Variants in SLC16A9 observed in about 807,000 individuals in gnomAD.
The protein encoded by SLC16A9 is solute carrier family 16 member 9.
In SLC16A9, 26 loss-of-function variants were observed where a neutral mutation model predicts 44.3. The ratio of observed to expected loss-of-function variants is 0.59; its 90% CI spans 0.43 to 0.81. SLC16A9 has a LOEUF of 0.81. Among genes scored for constraint, SLC16A9 ranks in the 40% least tolerant of loss-of-function variants. The pLI, the probability that SLC16A9 is intolerant of heterozygous loss-of-function variation, is 0.00. For missense variants in SLC16A9, 559 were observed against 595.8 expected (o/e 0.94, Z 0.64); for synonymous variants, 230 against 225.1 (o/e 1.02, Z -0.19).
chr10:59,668,161 A>G (rs1205958114), intron 3 of SLC16A9, among the ~76,000 whole-genome samples: 1 of 152,078 alleles, frequency 6.6e-6, no homozygotes, highest in Non-Finnish European at 1.5e-5. Context: ...AACTGTTGTC[A>G]TATAGTTCTC....
intron 2 of SLC16A9, among the ~76,000 whole-genome samples, chr10:59,680,969 C>G (rs1174101789): frequency 7.2e-6 from 1 of 139,696 alleles, no homozygotes; most frequent in Non-Finnish European, 1.6e-5. Flanking sequence ...GGTGACAGAG[C>G]AAGACCCAAT....
At chr10:59,655,198 A>G (rs1437649834) in intron 4 of SLC16A9, among the ~76,000 whole-genome samples, 3 of 152,064 alleles carry the variant, frequency 2.0e-5, no homozygotes, top group African/African-American at 7.2e-5. Context: ...GCTGAGGCAG[A>G]AGAGTCGCTT....
intron 1 of SLC16A9, among the ~76,000 whole-genome samples, chr10:59,689,218 A>T (rs566097986): frequency 1.3e-5 from 2 of 152,294 alleles, no homozygotes; most frequent in African/African-American, 4.8e-5. Context: ...GATTTCCTGT[A>T]TTCTGTCACT....
intron 1 of SLC16A9, among the ~76,000 whole-genome samples, chr10:59,704,632 G>A (rs1410252470): frequency 6.6e-6 from 1 of 152,066 alleles, no homozygotes; most frequent in Non-Finnish European, 1.5e-5. Context: ...GCAGAGTGAG[G>A]GCCAGACACT....
At chr10:59,662,167 G>C (rs965813523) in intron 4 of SLC16A9, among the ~76,000 whole-genome samples, 1 of 151,786 alleles carries the variant, frequency 6.6e-6, no homozygotes, top group Non-Finnish European at 1.5e-5. Flanking sequence ...CTTCTGCAAA[G>C]CAAAAGAAAC....
chr10:59,683,982 A>G, intron 2 of SLC16A9, 114 bp downstream of exon 2: 1 of 794,506 alleles, frequency 1.3e-6, no homozygotes, highest in Non-Finnish European at 1.9e-6. Context: ...AAGGCAGGAA[A>G]AGATATGTTA....
Position 59,654,040 on chromosome 10 carries a change from T to G in SLC16A9, c.986A>C (p.Asp329Ala). The change falls in exon 5 of 6, where the codon GAT (aspartate) becomes GCT (alanine). Residue 329 changes from aspartate (D) to alanine (A), a missense_variant. By Grantham distance (126) the Asp-to-Ala change is moderately radical. Coordinates refer to ENST00000395348, the MANE Select transcript of SLC16A9 (RefSeq NM_194298.3). ...GGFPPSLLMEDVARSSNVKEE... is the reference protein window; with the variant it reads ...GGFPPSLLMEAVARSSNVKEE... Reference sequence around the variant, plus strand: ...TTTCACGTTTGAACTTCTTGCTACATCTTCCATAAGTAATGAAGGTGGAAA... The same window carrying G: ...TTTCACGTTTGAACTTCTTGCTACAGCTTCCATAAGTAATGAAGGTGGAAA... The G allele has an allele frequency of 6.2e-7, 1 of 1,614,084 alleles. No homozygotes were observed. Among genetic ancestry groups the G allele is most frequent in the Non-Finnish European group, 8.5e-7 (1 of 1,180,042 alleles).
chr10:59,707,458 T>C (rs1840670117), intron 1 of SLC16A9, among the ~76,000 whole-genome samples: 1 of 151,656 alleles, frequency 6.6e-6, no homozygotes, highest in Non-Finnish European at 1.5e-5. Context: ...TGTCAAAGGA[T>C]ACAAAATTTC....
chr10:59,698,496 A>T (rs1344534778), intron 1 of SLC16A9, among the ~76,000 whole-genome samples: 1 of 152,198 alleles, frequency 6.6e-6, no homozygotes, highest in East Asian at 1.9e-4. Context: ...AAGAGCAAGA[A>T]CACACCACTG....
chr10:59,673,777 A>G (rs913418948), intron 2 of SLC16A9, among the ~76,000 whole-genome samples: 4 of 152,258 alleles, frequency 2.6e-5, no homozygotes, highest in Admixed American at 6.5e-5. Context: ...TTTCAATTCT[A>G]TGTGGAATTC....
intron 1 of SLC16A9, among the ~76,000 whole-genome samples, chr10:59,698,732 C>T (rs1009803782): frequency 1.5e-4 from 22 of 144,584 alleles, no homozygotes; most frequent in African/African-American, 5.3e-4. Context: ...CTTTGTCTCT[C>T]TTTTTTTTTT....
intron 3 of SLC16A9, among the ~76,000 whole-genome samples, chr10:59,670,351 G>A (rs1297359263): frequency 6.6e-6 from 1 of 152,182 alleles, no homozygotes; most frequent in African/African-American, 2.4e-5. Context: ...AATGATAATG[G>A]TTTATGCTAG....
intron 4 of SLC16A9, among the ~76,000 whole-genome samples, chr10:59,659,134 G>A (rs560023932): frequency 7.0e-4 from 106 of 152,218 alleles, no homozygotes; most frequent in South Asian, 1.2e-3. Flanking sequence ...TATATGTCCA[G>A]AATGCTTTTA....
In SLC16A9 at chr10:59,693,470, T is replaced by C. The variant is rs530933785; in HGVS notation, c.-36-9143A>G. On this transcript the variant is annotated intron_variant, in intron 1 of 5. Coordinates refer to ENST00000395348, the MANE Select transcript of SLC16A9 (RefSeq NM_194298.3). The stretch of plus-strand genomic sequence containing the variant: ...AATCCACCCTGTTGTGCTTCTAAAG[T>C]ATTAAAACTCTTTGTAAAATCATAT... Among the ~76,000 whole-genome samples the C allele has an allele frequency of 4.7e-4, 72 of 152,198 alleles. 1 individual carries two copies. Among genetic ancestry groups the C allele is most frequent in the Non-Finnish European group, 8.5e-4 (58 of 68,028 alleles).
chr10:59,688,141 A>C (rs1588987172), intron 1 of SLC16A9, among the ~76,000 whole-genome samples: 1 of 152,182 alleles, frequency 6.6e-6, no homozygotes, highest in Non-Finnish European at 1.5e-5. Context: ...TGTCAGGTGC[A>C]ACAGAGTCTT....
At chr10:59,698,730 C>T (rs1032512829) in intron 1 of SLC16A9, among the ~76,000 whole-genome samples, 22 of 151,788 alleles carry the variant, frequency 1.4e-4, no homozygotes, top group African/African-American at 5.1e-4. Context: ...CACTTTGTCT[C>T]TCTTTTTTTT....
At chr10:59,660,893 T>C (rs1366246731) in intron 4 of SLC16A9, among the ~76,000 whole-genome samples, 1 of 152,072 alleles carries the variant, frequency 6.6e-6, no homozygotes, top group Admixed American at 6.6e-5. Context: ...ACAAAACCAA[T>C]GACAAAAACC....
In SLC16A9 at chr10:59,680,681, A is replaced by C. The variant is rs77818783; in HGVS notation, c.196+3415T>G. On this transcript the variant is annotated intron_variant, in intron 2 of 5. Coordinates refer to ENST00000395348, the MANE Select transcript of SLC16A9 (RefSeq NM_194298.3). ...TTCCTAACTAAAAATCACTTTGGGG[A>C]CTTTAAAAAATTCATGAGGCCAGGC... Among the ~76,000 whole-genome samples, 378 of 152,206 alleles carry C rather than the reference A, an allele frequency of 2.5e-3. 2 individuals carry two copies. The highest frequency in any genetic ancestry group is 8.7e-3 in the African/African-American group (360 of 41,548).
chr10:59,701,740 C>A (rs955338548), intron 1 of SLC16A9, among the ~76,000 whole-genome samples: 1 of 152,196 alleles, frequency 6.6e-6, no homozygotes, highest in African/African-American at 2.4e-5. Context: ...CCACAGCTCA[C>A]GACTCAGCAT....
Sources: gnomAD v4.1 joint callset for allele counts (sites outside exome capture counted in the v4.1 genomes callset) on GRCh38, gnomAD v4.1.1 for gene constraint, MANE v1.5 for transcripts, NCBI Gene and HGNC (gene_info 2026-07-23, HGNC 2026-07-21) for gene names.